Variants in LUZP2 observed in about 807,000 individuals in gnomAD.
LUZP2 encodes leucine zipper protein 2.
LUZP2 carries 52 observed loss-of-function variants against 51.6 expected under a neutral mutation model. The observed-to-expected ratio is 1.01, with a 90% CI of 0.81 to 1.27. LUZP2 has a LOEUF of 1.27. LUZP2 is among the 50% of genes most tolerant of loss of function. The probability of loss-of-function intolerance (pLI) is 0.00; values close to 1 mark genes in which losing one functional copy is unlikely to be tolerated. For missense variants in LUZP2, 436 were observed against 395.4 expected (o/e 1.10, Z -0.87); for synonymous variants, 154 against 137.3 (o/e 1.12, Z -0.85).
chr11:24,546,956 GTT>G, intron 1 of LUZP2, among the ~76,000 whole-genome samples: 1 of 63,440 alleles, frequency 1.6e-5, no homozygotes, highest in Non-Finnish European at 3.3e-5. Flanking sequence ...TGTTGTTGTT[GTT>G]GTTGTTGGTG....
chr11:24,801,963 C>T (rs1416670212), intron 5 of LUZP2, among the ~76,000 whole-genome samples: 2 of 151,618 alleles, frequency 1.3e-5, no homozygotes, highest in African/African-American at 4.8e-5. Context: ...ACAAAGAGTA[C>T]ATATGTGTAC....
chr11:24,778,769 C>A (rs1177168238), intron 5 of LUZP2, among the ~76,000 whole-genome samples: 3 of 152,140 alleles, frequency 2.0e-5, no homozygotes, highest in African/African-American at 7.2e-5. Context: ...TGGGAAAAGT[C>A]AAAACTTTTG....
chr11:24,654,772 G>A (rs1288556070), intron 1 of LUZP2, among the ~76,000 whole-genome samples: 2 of 151,538 alleles, frequency 1.3e-5, no homozygotes, highest in Admixed American at 6.6e-5. Flanking sequence ...TGATCCACCC[G>A]CTTCGGCCTC....
intron 5 of LUZP2, chr11:24,890,891 G>C: frequency 1.9e-6 from 1 of 519,448 alleles, no homozygotes; most frequent in Non-Finnish European, 2.2e-6. Context: ...AGGAGTAAAA[G>C]TTCTTTTTTT....
At chr11:24,955,047 T>C (rs1855177148) in intron 7 of LUZP2, among the ~76,000 whole-genome samples, 1 of 151,942 alleles carries the variant, frequency 6.6e-6, no homozygotes, top group African/African-American at 2.4e-5. Flanking sequence ...AAAGAGAAAT[T>C]ATACTGTACA....
chr11:24,606,533 T>C (rs1853924910), intron 1 of LUZP2, among the ~76,000 whole-genome samples: 1 of 152,054 alleles, frequency 6.6e-6, no homozygotes, highest in South Asian at 2.1e-4. Flanking sequence ...CAATTCTTTT[T>C]TCATCAATCT....
chr11:24,982,967 T>C (rs1414854336), intron 8 of LUZP2, among the ~76,000 whole-genome samples, 159 bp from the exon 9 acceptor site: 1 of 151,810 alleles, frequency 6.6e-6, no homozygotes, highest in Non-Finnish European at 1.5e-5. Flanking sequence ...AGTGTGGATA[T>C]AAAAGTATGT....
rs537104803 is a variant in LUZP2 at position 24,657,117 on chromosome 11, G to GA, written c.63-72045dup. On this transcript the variant is annotated intron_variant, in intron 1 of 11. Coordinates refer to ENST00000336930, the MANE Select transcript of LUZP2 (RefSeq NM_001009909.4). ...ATTTAGAAAGATATTAATATGTAGA[G>GA]AAAAAAACAAGAATAAAAGCAAGAA... is the stretch of plus-strand genomic sequence containing the variant. Among the ~76,000 whole-genome samples the GA allele has an allele frequency of 7.4e-4, 113 of 152,042 alleles. 3 individuals are homozygous for GA. The South Asian group carries it at 0.015, about 20-fold the overall frequency.
intron 5 of LUZP2, among the ~76,000 whole-genome samples, chr11:24,793,199 C>G (rs1307446908): frequency 1.3e-5 from 2 of 152,146 alleles, no homozygotes. Flanking sequence ...TGCTGATGAA[C>G]TAACTCTTGT....
At chr11:24,754,053 TA>T (rs996171175) in intron 4 of LUZP2, among the ~76,000 whole-genome samples, 56 of 152,344 alleles carry the variant, frequency 3.7e-4, no homozygotes, top group African/African-American at 1.3e-3. Context: ...TTTATTCATT[TA>T]ATATTTTAAT....
intron 5 of LUZP2, among the ~76,000 whole-genome samples, chr11:24,876,214 G>A (rs1852256286): frequency 6.8e-6 from 1 of 146,522 alleles, no homozygotes; most frequent in South Asian, 2.2e-4. Context: ...TTTCTTCTAG[G>A]GTTTTTATGG....
chr11:24,958,971 A>C (rs1356205071), intron 7 of LUZP2, among the ~76,000 whole-genome samples: 1 of 152,164 alleles, frequency 6.6e-6, no homozygotes, highest in Non-Finnish European at 1.5e-5. Flanking sequence ...CTTTCTACAT[A>C]TGGCTAGCCA....
At chr11:24,941,842 A>G (rs1008005655) in intron 7 of LUZP2, among the ~76,000 whole-genome samples, 5 of 152,098 alleles carry the variant, frequency 3.3e-5, no homozygotes, top group Admixed American at 6.6e-5. Flanking sequence ...AATATATATA[A>G]ATAGTGTGTT....
intron 1 of LUZP2, among the ~76,000 whole-genome samples, chr11:24,540,100 A>C (rs1210374925): frequency 1.3e-5 from 2 of 152,104 alleles, no homozygotes; most frequent in Non-Finnish European, 1.5e-5. Context: ...TTACCATATG[A>C]AACTTGCATT....
intron 9 of LUZP2, among the ~76,000 whole-genome samples, chr11:24,991,376 A>ATGTGTGTGTATATATATG (rs1856332743): frequency 4.8e-5 from 6 of 126,180 alleles, no homozygotes; most frequent in African/African-American, 1.7e-4. Context: ...GTGTATATAT[A>ATGTGTGTGTATATATATG]TGTGTGTGTG....
rs1565126198 is a variant in LUZP2, at chr11:24,931,274, A to AAAAT, written c.522+16736_522+16737insAAAT. On this transcript the variant is annotated intron_variant, in intron 7 of 11. Transcript: ENST00000336930. ...TAAAATAAAATAAAATAAAATAAAAAGTTCTTTTTTATTTATCTTTGTTGG... is the reference window on the plus strand; with the variant it reads ...TAAAATAAAATAAAATAAAATAAAAAAAATGTTCTTTTTTATTTATCTTTGTTGG... 2.1e-3 allele frequency among the ~76,000 whole-genome samples: 308 copies of AAAAT among 147,144 alleles called. 2 individuals carry two copies. The highest frequency in any genetic ancestry group is 7.2e-3 in the African/African-American group (288 of 40,178).
At chr11:24,965,837 T>C (rs1855567093) in intron 7 of LUZP2, among the ~76,000 whole-genome samples, 1 of 151,822 alleles carries the variant, frequency 6.6e-6, no homozygotes, top group African/African-American at 2.4e-5. Flanking sequence ...TGTCTATTAC[T>C]ATAGATAGCA....
intron 5 of LUZP2, among the ~76,000 whole-genome samples, chr11:24,888,011 T>G (rs1852727825): frequency 6.6e-6 from 1 of 152,248 alleles, no homozygotes; most frequent in Admixed American, 6.5e-5. Context: ...CTGGCCACAA[T>G]GGTTTATTTT....
At chr11:24,706,863 T>G (rs1044592989) in intron 1 of LUZP2, among the ~76,000 whole-genome samples, 2 of 152,082 alleles carry the variant, frequency 1.3e-5, no homozygotes, top group Non-Finnish European at 2.9e-5. Context: ...AATAACTCCT[T>G]CAGGGAACCT....
Sources: gnomAD v4.1 joint callset for allele counts (sites outside exome capture counted in the v4.1 genomes callset) on GRCh38, gnomAD v4.1.1 for gene constraint, MANE v1.5 for transcripts, NCBI Gene and HGNC (gene_info 2026-07-23, HGNC 2026-07-21) for gene names.